The following CLDN16 variants were observed in gnomAD, a reference collection of about 807,000 sequenced individuals.
CLDN16 encodes claudin 16.
CLDN16 carries 13 observed loss-of-function variants against 24.6 expected under a neutral mutation model. The observed-to-expected ratio is 0.53, with a 90% CI of 0.34 to 0.84. CLDN16 has a LOEUF of 0.84. CLDN16 is among the 40% of genes least tolerant of loss of function. The probability of loss-of-function intolerance (pLI) is 0.01; values close to 1 mark genes in which losing one functional copy is unlikely to be tolerated. For synonymous variants in CLDN16, 116 were observed against 106.7 expected (o/e 1.09, Z -0.54); for missense variants, 298 against 292.7 (o/e 1.02, Z -0.13).
the CLDN16 span, among the ~76,000 whole-genome samples, chr3:190,305,444 T>G: frequency 1.3e-5 from 2 of 152,222 alleles, no homozygotes; most frequent in Non-Finnish European, 2.9e-5. Flanking sequence ...TATCATTTAT[T>G]ATTGTATGTC....
chr3:190,380,513 A>G (rs980190085), intron 3 of CLDN16, among the ~76,000 whole-genome samples: 10 of 152,090 alleles, frequency 6.6e-5, no homozygotes, highest in Non-Finnish European at 1.5e-4. Context: ...TTGCATAAAT[A>G]TGTTGAGAGA....
chr3:190,358,748 A>G (rs941044861), intron 1 of CLDN16, among the ~76,000 whole-genome samples: 17 of 152,018 alleles, frequency 1.1e-4, no homozygotes, highest in African/African-American at 4.1e-4. Flanking sequence ...AACCCATCAT[A>G]CCAGTCTGCC....
At chr3:190,393,071 G>T (rs1718720810) in intron 1 of CLDN16, among the ~76,000 whole-genome samples, 1 of 152,034 alleles carries the variant, frequency 6.6e-6, no homozygotes, top group Admixed American at 6.6e-5. Context: ...AATAAGGGAG[G>T]CTCTAAAAAT....
At chr3:190,325,157 C>G (rs904130100) in intron 1 of CLDN16, among the ~76,000 whole-genome samples, 1 of 152,166 alleles carries the variant, frequency 6.6e-6, no homozygotes, top group African/African-American at 2.4e-5. Flanking sequence ...GTTTTATATG[C>G]TATCTCTACG....
At chr3:190,337,479 G>T (rs1372494184) in intron 1 of CLDN16, among the ~76,000 whole-genome samples, 1 of 152,214 alleles carries the variant, frequency 6.6e-6, no homozygotes, top group African/African-American at 2.4e-5. Flanking sequence ...TCTCACGAAT[G>T]TAGTAGTCAT....
rs990385956 is a variant in CLDN16, at chr3:190,402,449, C to A, written c.217+10C>A. 6.3e-6 allele frequency: 10 copies of A among 1,584,424 alleles called. No homozygotes were observed. Among genetic ancestry groups the A allele is most frequent in the Non-Finnish European group, 8.7e-6 (10 of 1,153,148 alleles). Reference sequence around the variant, plus strand: ...CTTGCGGAGCATCCCTGTACGTATGCCTTAGAGCTCACTGCTTGCCAGGAA... The same window carrying A: ...CTTGCGGAGCATCCCTGTACGTATGACTTAGAGCTCACTGCTTGCCAGGAA... On this transcript the variant is annotated intron_variant, in intron 2 of 4. Coordinates refer to ENST00000264734, the MANE Select transcript of CLDN16 (RefSeq NM_006580.4).
At chr3:190,399,640 T>C (rs11929677) in intron 1 of CLDN16, among the ~76,000 whole-genome samples, 7,835 of 152,270 alleles carry the variant, frequency 0.051, 237 homozygotes, top group Non-Finnish European at 0.067. Context: ...GTAATTAGCA[T>C]ACCCATCATC....
intron 1 of CLDN16, among the ~76,000 whole-genome samples, chr3:190,336,610 A>G (rs1163517357): frequency 6.6e-6 from 1 of 152,242 alleles, no homozygotes; most frequent in East Asian, 1.9e-4. Flanking sequence ...GTCCTACCAC[A>G]TGGCTTATGT....
upstream of CLDN16, chr3:190,322,125 G>A (rs909170148): frequency 1.2e-6 from 2 of 1,614,094 alleles, no homozygotes; most frequent in South Asian, 1.1e-5. Context: ...CTCCACTGGG[G>A]CAGGGCAGTG....
the CLDN16 span, among the ~76,000 whole-genome samples, chr3:190,292,200 A>G: frequency 1.3e-5 from 2 of 152,236 alleles, no homozygotes; most frequent in Non-Finnish European, 2.9e-5. Context: ...CTGGACATCC[A>G]GGCATTTTCA....
intron 1 of CLDN16, among the ~76,000 whole-genome samples, chr3:190,327,513 C>T (rs1443348392): frequency 2.6e-5 from 4 of 152,110 alleles, no homozygotes; most frequent in African/African-American, 9.7e-5. Flanking sequence ...AGATAACTAT[C>T]AACACAGATG....
chr3:190,301,652 C>A, the CLDN16 span, among the ~76,000 whole-genome samples: 3 of 152,174 alleles, frequency 2.0e-5, no homozygotes, highest in African/African-American at 2.4e-5. Context: ...GCTTTGGAAT[C>A]ATTTTTGACA....
At chr3:190,389,411 C>T (rs1409428522) in intron 1 of CLDN16, among the ~76,000 whole-genome samples, 3 of 152,190 alleles carry the variant, frequency 2.0e-5, no homozygotes, top group African/African-American at 7.2e-5. Flanking sequence ...AAGAAAGATA[C>T]TCGACTGAGT....
At chr3:190,377,632 A>T (rs1409965665) in intron 3 of CLDN16, among the ~76,000 whole-genome samples, 1 of 152,038 alleles carries the variant, frequency 6.6e-6, no homozygotes, top group East Asian at 1.9e-4. Context: ...AAAAGCTCTA[A>T]AATCTCTGTT....
At chr3:190,362,450 C>T (rs1417832851) in intron 1 of CLDN16, among the ~76,000 whole-genome samples, 2 of 151,924 alleles carry the variant, frequency 1.3e-5, no homozygotes, top group Non-Finnish European at 2.9e-5. Context: ...TCCCCACTTC[C>T]TGAGCCCCTA....
At chr3:190,320,326 C>T (rs1343040578), upstream of CLDN16, among the ~76,000 whole-genome samples, 3 of 152,138 alleles carry the variant, frequency 2.0e-5, no homozygotes, top group African/African-American at 4.8e-5. Flanking sequence ...CTGGAATTGT[C>T]CTTAGAAACC....
chr3:190,411,552 G>T lies in CLDN16; in HGVS notation c.*1516G>T, dbSNP rs1000542507. On this transcript the variant is annotated 3_prime_UTR_variant, in exon 5 of 5. Transcript: ENST00000264734. ...AGAATATCAACTCACCCAGAAATTA[G>T]TTCTTTGAAAAAAAAGAAATTAAGT... The T allele has an allele frequency of 6.6e-6, 1 of 151,852 alleles. No homozygotes were observed. The highest frequency in any genetic ancestry group is 1.5e-5 in the Non-Finnish European group (1 of 67,952). 9.4% of individuals were successfully genotyped at this position (151,852 alleles called of 1,614,324 possible). A position where few individuals can be genotyped will look rare whatever the true frequency, so the allele number is the denominator to read the frequency against.
chr3:190,299,970 G>A, the CLDN16 span, among the ~76,000 whole-genome samples: 1 of 152,298 alleles, frequency 6.6e-6, no homozygotes, highest in South Asian at 2.1e-4. Flanking sequence ...CACTAAGAAT[G>A]ACAAGGAGAG....
At chr3:190,347,906 G>C (rs984071286) in intron 1 of CLDN16, among the ~76,000 whole-genome samples, 1 of 151,948 alleles carries the variant, frequency 6.6e-6, no homozygotes, top group Non-Finnish European at 1.5e-5. Flanking sequence ...TGTGGCTGGA[G>C]CATAGGGAAC....
Sources: gnomAD v4.1 joint callset for allele counts (sites outside exome capture counted in the v4.1 genomes callset) on GRCh38, gnomAD v4.1.1 for gene constraint, MANE v1.5 for transcripts, NCBI Gene and HGNC (gene_info 2026-07-23, HGNC 2026-07-21) for gene names.